PPIL4: variants seen among roughly 807,000 people sequenced by gnomAD.
PPIL4 encodes the protein peptidylprolyl isomerase like 4.
A neutral mutation model predicts 69.1 loss-of-function variants in PPIL4; 50 were observed. That is an observed-to-expected ratio of 0.72 (90% CI 0.58 to 0.92). The LOEUF (loss-of-function observed/expected upper bound fraction) is 0.92, where lower values mean the gene tolerates loss of function less well. Among genes scored for constraint, PPIL4 ranks in the 40% least tolerant of loss-of-function variants. The pLI is 0.00. For missense variants in PPIL4, 480 were observed against 587.9 expected (o/e 0.82, Z 1.90); for synonymous variants, 193 against 191.6 (o/e 1.01, Z -0.06).
chr6:149,521,281 C>T (rs910664785), intron 9 of PPIL4, 110 bp from the exon 10 acceptor site: 4 of 691,026 alleles, frequency 5.8e-6, no homozygotes, highest in East Asian at 2.7e-5. Context: ...TGTTTGAATA[C>T]TTATTACACA....
chr6:149,527,645 GCCT>G (rs929105306), intron 7 of PPIL4, among the ~76,000 whole-genome samples: 3 of 152,086 alleles, frequency 2.0e-5, no homozygotes, highest in East Asian at 3.8e-4. Flanking sequence ...TTCTCCCTGT[GCCT>G]CCTCATCAGA....
chr6:149,526,823 C>T (rs1396623231), intron 7 of PPIL4, 47 bp from the exon 8 acceptor site: 2 of 1,568,932 alleles, frequency 1.3e-6, no homozygotes, highest in South Asian at 2.2e-5. Flanking sequence ...TATTTAGTTT[C>T]CATTCTAAAT....
At chr6:149,524,388 T>G (rs1417734929) in intron 9 of PPIL4, among the ~76,000 whole-genome samples, 1 of 152,248 alleles carries the variant, frequency 6.6e-6, no homozygotes, top group African/African-American at 2.4e-5. Flanking sequence ...GGGCCATCTA[T>G]TCTAATACCC....
At chr6:149,528,504 G>C (rs1435489143) in intron 7 of PPIL4, among the ~76,000 whole-genome samples, 1 of 152,108 alleles carries the variant, frequency 6.6e-6, no homozygotes, top group Non-Finnish European at 1.5e-5. Flanking sequence ...ACAAACAAAT[G>C]CAATAAAGTA....
intron 12 of PPIL4, among the ~76,000 whole-genome samples, chr6:149,506,193 T>C (rs762615621): frequency 1.6e-4 from 24 of 152,198 alleles, no homozygotes; most frequent in Admixed American, 7.2e-4. Context: ...AATAAGAAAA[T>C]GGAGGCTGGA....
intron 12 of PPIL4, among the ~76,000 whole-genome samples, chr6:149,510,055 T>C (rs1362714706): frequency 6.6e-6 from 1 of 151,980 alleles, no homozygotes; most frequent in Non-Finnish European, 1.5e-5. Context: ...CCACTGCACC[T>C]GGCCTACTAC....
intron 1 of PPIL4, among the ~76,000 whole-genome samples, 160 bp downstream of exon 1, chr6:149,545,776 T>C (rs1025417917): frequency 7.2e-5 from 11 of 152,036 alleles, no homozygotes; most frequent in African/African-American, 2.7e-4. Flanking sequence ...CACAAAAACT[T>C]TTCTAGCCAA....
intron 9 of PPIL4, among the ~76,000 whole-genome samples, chr6:149,524,374 G>C (rs1378040793): frequency 1.3e-5 from 2 of 152,222 alleles, no homozygotes; most frequent in African/African-American, 4.8e-5. Flanking sequence ...TACAGCTCTA[G>C]AAGGGGCCAT....
chr6:149,533,371 TA>T, intron 7 of PPIL4, 86 bp downstream of exon 7: 1 of 735,488 alleles, frequency 1.4e-6, no homozygotes, highest in Non-Finnish European at 2.3e-6. Flanking sequence ...TTTAACATTT[TA>T]AGACTACTGA....
At chr6:149,507,578 T>G (rs1206539445) in intron 12 of PPIL4, among the ~76,000 whole-genome samples, 1 of 152,244 alleles carries the variant, frequency 6.6e-6, no homozygotes, top group Non-Finnish European at 1.5e-5. Flanking sequence ...ATGCCGAGAC[T>G]GCTGGCTGAT....
At chr6:149,521,242 T>C (rs972349415) in intron 9 of PPIL4, 71 bp from the exon 10 acceptor site, 23 of 910,704 alleles carry the variant, frequency 2.5e-5, no homozygotes, top group East Asian at 4.9e-5. Flanking sequence ...ATACTGAAAA[T>C]ACAAAAAGTT....
In PPIL4 at chr6:149,522,131, T is replaced by C. The variant is rs550551943; in HGVS notation, c.871-960A>G. On this transcript the variant is annotated intron_variant, in intron 9 of 12. Coordinates refer to ENST00000253329, the MANE Select transcript of PPIL4 (RefSeq NM_139126.4). ...ATCATATGGCATGGTATCTAAAACG[T>C]AGGCAATCAGTGTACGTTTCATGAA... is the stretch of plus-strand genomic sequence containing the variant. Among the ~76,000 whole-genome samples, 11 of 152,316 alleles carry C rather than the reference T, an allele frequency of 7.2e-5. No individual in the cohort carries two copies. The East Asian group carries it at 7.7e-4, about 11-fold the overall frequency.
At chr6:149,541,695 A>G (rs968138320) in intron 1 of PPIL4, 109 bp from the exon 2 acceptor site, 6 of 657,594 alleles carry the variant, frequency 9.1e-6, no homozygotes, top group Admixed American at 5.5e-5. Context: ...AAGAAAAAAA[A>G]AGTCAAATGT....
intron 4 of PPIL4, among the ~76,000 whole-genome samples, chr6:149,539,357 A>G (rs954095629): frequency 6.6e-6 from 1 of 152,178 alleles, no homozygotes; most frequent in Non-Finnish European, 1.5e-5. Context: ...GGAAGAGTCC[A>G]TCAACATGGC....
intron 7 of PPIL4, among the ~76,000 whole-genome samples, chr6:149,530,017 G>A (rs1026970429): frequency 6.6e-6 from 1 of 152,050 alleles, no homozygotes; most frequent in African/African-American, 2.4e-5. Context: ...AACAGGTGGA[G>A]CCCAGGGGAT....
intron 4 of PPIL4, among the ~76,000 whole-genome samples, chr6:149,539,075 G>C (rs985467629): frequency 2.0e-5 from 3 of 152,120 alleles, no homozygotes; most frequent in Non-Finnish European, 2.9e-5. Flanking sequence ...ACAAACTCCT[G>C]ACCTCAGGTG....
In PPIL4 at chr6:149,541,357, A is replaced by ATAAAT. The variant is rs1251381172; in HGVS notation, c.203+9_203+10insATTTA. 7.3e-6 allele frequency: 9 copies of ATAAAT among 1,229,936 alleles called. No homozygotes were observed. The African/African-American group carries it at 1.1e-4, about 15-fold the overall frequency. The allele number at this position is 1,229,936 out of a possible 1,614,324, so 76.2% of individuals were successfully genotyped here. ...AATAAATAAATAAATAAATAAATAA[A>ATAAAT]ACAACTTACCCAAAGATAGACTCTC... On this transcript the variant is annotated intron_variant, in intron 3 of 12. Coordinates refer to ENST00000253329, the MANE Select transcript of PPIL4 (RefSeq NM_139126.4).
At chr6:149,511,976 G>A (rs1294017047) in intron 12 of PPIL4, among the ~76,000 whole-genome samples, 179 bp downstream of exon 12, 1 of 152,192 alleles carries the variant, frequency 6.6e-6, no homozygotes, top group African/African-American at 2.4e-5. Context: ...TTTATCATTT[G>A]TGATAAATAT....
At chr6:149,544,624 G>A (rs1777411617) in intron 1 of PPIL4, among the ~76,000 whole-genome samples, 1 of 152,212 alleles carries the variant, frequency 6.6e-6, no homozygotes, top group Non-Finnish European at 1.5e-5. Flanking sequence ...AGGTAACTCT[G>A]CTTAGAAAGG....
Sources: gnomAD v4.1 joint callset for allele counts (sites outside exome capture counted in the v4.1 genomes callset) on GRCh38, gnomAD v4.1.1 for gene constraint, MANE v1.5 for transcripts, NCBI Gene and HGNC (gene_info 2026-07-23, HGNC 2026-07-21) for gene names.